Variants in SLCO4C1 observed in about 807,000 individuals in gnomAD.
SLCO4C1 encodes organic anion transporter M1.
SLCO4C1 carries 58 observed loss-of-function variants against 72.1 expected under a neutral mutation model. That is an observed-to-expected ratio of 0.80 (90% CI 0.65 to 1.00). The LOEUF is 1.00. Ranked by LOEUF, SLCO4C1 falls within the 50% of genes least tolerant of loss-of-function variation. The pLI is 0.00. For missense variants in SLCO4C1, 898 were observed against 857.9 expected (o/e 1.05, Z -0.58); for synonymous variants, 297 against 312.5 (o/e 0.95, Z 0.52).
At position 102,249,742 on chromosome 5, in the gene SLCO4C1, T is replaced by TA; in HGVS notation, c.1515dup (p.Asn506Ter). 1 of 1,613,942 alleles carries TA rather than the reference T, an allele frequency of 6.2e-7. No individual in the cohort carries two copies. Among genetic ancestry groups the TA allele is most frequent in the African/African-American group, 1.3e-5 (1 of 75,022 alleles). ...GGATAATAATATGATCGCGAACAGT[T>TA]ACAATTGGCATTACAAGGGGCTATC... On this transcript the variant is annotated frameshift_variant, in exon 9 of 13. Transcript: ENST00000310954. LOFTEE classifies it high-confidence loss of function.
At chr5:102,267,732 G>GAAATCT (rs1157373732) in intron 3 of SLCO4C1, among the ~76,000 whole-genome samples, 2 of 151,614 alleles carry the variant, frequency 1.3e-5, no homozygotes, top group Non-Finnish European at 2.9e-5. Flanking sequence ...CTATTTTTAT[G>GAAATCT]ATGTAGGTGT....
Position 102,257,318 on chromosome 5 carries a change from G to A in SLCO4C1, c.1274-8C>T, listed in dbSNP as rs1261757604. On this transcript the variant is annotated splice_region_variant and splice_polypyrimidine_tract_variant and intron_variant, in intron 7 of 12. Coordinates refer to ENST00000310954, the MANE Select transcript of SLCO4C1 (RefSeq NM_180991.5). Reference sequence around the variant, plus strand: ...CAGGAATTAAAACAGCCCCTAATAAGAAAAAAGAATGTAGATTGTGAGAAA... The same window carrying A: ...CAGGAATTAAAACAGCCCCTAATAAAAAAAAAGAATGTAGATTGTGAGAAA... 7 of 1,568,252 alleles carry A rather than the reference G, an allele frequency of 4.5e-6. No individual in the cohort carries two copies. The highest frequency in any genetic ancestry group is 4.1e-5 in the Admixed American group (2 of 49,232).
intron 3 of SLCO4C1, among the ~76,000 whole-genome samples, chr5:102,270,127 A>G (rs1400541534): frequency 6.6e-6 from 1 of 152,170 alleles, no homozygotes; most frequent in African/African-American, 2.4e-5. Flanking sequence ...AGGGCTGTGC[A>G]TTGTCTAGTT....
rs1312466031 is a variant in SLCO4C1 at position 102,291,447 on chromosome 5, G to A, written c.515C>T (p.Pro172Leu). ...VSFFGERGHK[P>L]RWLAFAAFMI... Reference sequence around the variant, plus strand: ...AAAGGCTGCAAATGCAAGCCATCTCGGCTTATGTCCTCTTTCACCAAAGAA... The same window carrying A: ...AAAGGCTGCAAATGCAAGCCATCTCAGCTTATGTCCTCTTTCACCAAAGAA... The change falls in exon 2 of 13, where the codon CCG becomes CTG. Residue 172 changes from proline to leucine, a missense_variant. Transcript: ENST00000310954. 11 of 1,613,958 alleles carry A rather than the reference G, an allele frequency of 6.8e-6. No individual in the cohort carries two copies. Among genetic ancestry groups the A allele is most frequent in the African/African-American group, 6.7e-5 (5 of 74,920 alleles).
intron 10 of SLCO4C1, among the ~76,000 whole-genome samples, chr5:102,246,386 A>T (rs1169372270): frequency 6.6e-6 from 1 of 152,136 alleles, no homozygotes; most frequent in Non-Finnish European, 1.5e-5. Flanking sequence ...TATGCCAATA[A>T]TTGGAAAATC....
intron 10 of SLCO4C1, among the ~76,000 whole-genome samples, chr5:102,245,750 G>A (rs895967761): frequency 6.6e-6 from 1 of 152,054 alleles, no homozygotes; most frequent in Non-Finnish European, 1.5e-5. Flanking sequence ...CACTCTTTTC[G>A]TCAGCACATG....
intron 3 of SLCO4C1, among the ~76,000 whole-genome samples, chr5:102,265,719 T>C (rs1749024907): frequency 6.6e-6 from 1 of 152,172 alleles, no homozygotes. Context: ...AAAGCTTTGT[T>C]GTATAATTTG....
chr5:102,293,051 C>T (rs891290084), intron 1 of SLCO4C1, among the ~76,000 whole-genome samples: 5 of 151,680 alleles, frequency 3.3e-5, no homozygotes, highest in African/African-American at 1.2e-4. Context: ...TGATTAAGAC[C>T]GTAGCTGAAA....
intron 3 of SLCO4C1, among the ~76,000 whole-genome samples, chr5:102,269,038 T>C (rs1749098857): frequency 1.3e-5 from 2 of 151,944 alleles, no homozygotes; most frequent in Admixed American, 1.3e-4. Flanking sequence ...CTGAGAAATC[T>C]TTCTAATGGG....
intron 8 of SLCO4C1, among the ~76,000 whole-genome samples, chr5:102,250,891 G>T (rs1748726119): frequency 6.6e-6 from 1 of 152,022 alleles, no homozygotes; most frequent in Non-Finnish European, 1.5e-5. Context: ...GGAGGCTGAG[G>T]CAGGAGAATC....
At chr5:102,280,903 A>T (rs2112389959) in intron 2 of SLCO4C1, among the ~76,000 whole-genome samples, 1 of 152,280 alleles carries the variant, frequency 6.6e-6, no homozygotes, top group Middle Eastern at 3.4e-3. Context: ...AAACCAAACC[A>T]TATCAAGGTT....
Position 102,257,291 on chromosome 5 carries a change from T to C in SLCO4C1, c.1293A>G (p.Gly431=). The change falls in exon 8 of 13, where the codon GGA becomes GGG. Residue 431 remains glycine, a synonymous_variant. Transcript: ENST00000310954. ...CACCTAAAATTTGACCGAGAGCAGC[T>C]CCAGGAATTAAAACAGCCCCTAATA... ...ATLGGAVLIP[G]AALGQILGGF... is the part of the protein sequence containing the mutation. The C allele has an allele frequency of 1.3e-6, 2 of 1,598,222 alleles. No individual in the cohort carries two copies. Among genetic ancestry groups the C allele is most frequent in the Non-Finnish European group, 8.5e-7 (1 of 1,174,208 alleles).
intron 9 of SLCO4C1, among the ~76,000 whole-genome samples, chr5:102,249,268 A>C (rs750126920): frequency 9.2e-5 from 14 of 152,136 alleles, no homozygotes; most frequent in Non-Finnish European, 1.5e-4. Context: ...TGCTGACTTA[A>C]AGCGAGTTCT....
At chr5:102,269,900 C>T (rs1406077027) in intron 3 of SLCO4C1, among the ~76,000 whole-genome samples, 2 of 151,778 alleles carry the variant, frequency 1.3e-5, no homozygotes, top group East Asian at 3.9e-4. Context: ...TGGGTAGGTA[C>T]CCTTTGGGTT....
intron 1 of SLCO4C1, 103 bp from the exon 2 acceptor site, chr5:102,291,709 T>TTAAATGTACCAGTTTTC: frequency 1.0e-6 from 1 of 991,976 alleles, no homozygotes; most frequent in South Asian, 2.9e-5. Context: ...TTTTTTTTCT[T>TTAAATGTACCAGTTTTC]AAAATGTACC....
chr5:102,256,911 A>C (rs1349504851), intron 8 of SLCO4C1, among the ~76,000 whole-genome samples: 1 of 152,200 alleles, frequency 6.6e-6, no homozygotes, highest in Non-Finnish European at 1.5e-5. Context: ...GTTGCTCCTT[A>C]AATGTTCTTT....
rs1159006738 is a variant in SLCO4C1 at position 102,257,961 on chromosome 5, A to G, written c.1255T>C (p.Phe419Leu). Residue 419 changes from phenylalanine to leucine, a missense_variant, in exon 7 of 13, where the codon TTC becomes CTC. Physicochemically the swap from Phe to Leu is conservative, Grantham distance 22. Coordinates refer to ENST00000310954, the MANE Select transcript of SLCO4C1 (RefSeq NM_180991.5). The part of the protein sequence containing the change: ...IENQFGLTSS[F>L]AATLGGAVLI... ...GTTTTACCTCCAAGAGTAGCTGCGA[A>G]GCTGGATGTCAATCCGAATTGATTT... 1.9e-6 allele frequency: 3 copies of G among 1,604,814 alleles called. No homozygotes were observed. The highest frequency in any genetic ancestry group is 2.5e-6 in the Non-Finnish European group (3 of 1,177,386).
rs542691491 is a variant in SLCO4C1, at chr5:102,261,461, TAAAAA to T, written c.1021+446_1021+450del. On this transcript the variant is annotated intron_variant, in intron 5 of 12. Coordinates refer to ENST00000310954, the MANE Select transcript of SLCO4C1 (RefSeq NM_180991.5). The stretch of plus-strand genomic sequence containing the variant: ...AATAATGTTTAATATTCACATACAG[TAAAAA>T]AAAAAAAAGTACGCTACGGAATGAC... Among the ~76,000 whole-genome samples the T allele has an allele frequency of 6.0e-3, 793 of 131,080 alleles. 4 individuals carry two copies. The highest frequency in any genetic ancestry group is 0.021 in the Middle Eastern group (5 of 238). 86.0% of individuals were successfully genotyped at this position (131,080 alleles called of 152,430 possible).
At chr5:102,262,084 A>T in intron 4 of SLCO4C1, 51 bp from the exon 5 acceptor site, 1 of 1,519,072 alleles carries the variant, frequency 6.6e-7, no homozygotes, top group Non-Finnish European at 9.0e-7. Context: ...TTATTAATTA[A>T]AACTCAGTTA....
Sources: gnomAD v4.1 joint callset for allele counts (sites outside exome capture counted in the v4.1 genomes callset) on GRCh38, gnomAD v4.1.1 for gene constraint, MANE v1.5 for transcripts, NCBI Gene and HGNC (gene_info 2026-07-23, HGNC 2026-07-21) for gene names.